The following AKNAD1 variants were observed in gnomAD, a reference collection of about 807,000 sequenced individuals.
The protein encoded by AKNAD1 is AKNA domain containing 1.
Under a neutral mutation model 90.8 loss-of-function variants are expected in AKNAD1, and 67 were observed. The ratio of observed to expected loss-of-function variants is 0.74; its 90% confidence interval spans 0.61 to 0.90. The LOEUF (loss-of-function observed/expected upper bound fraction) is 0.90, where lower values mean the gene tolerates loss of function less well. Ranked by LOEUF, AKNAD1 falls within the 40% of genes least tolerant of loss-of-function variation. The probability of loss-of-function intolerance (pLI) is 0.00; values close to 1 mark genes in which losing one functional copy is unlikely to be tolerated. For missense variants in AKNAD1, 957 were observed against 975.4 expected (o/e 0.98, Z 0.25); for synonymous variants, 327 against 341.4 (o/e 0.96, Z 0.46).
chr1:108,835,416 T>C (rs77258074), intron 7 of AKNAD1, among the ~76,000 whole-genome samples: 1,857 of 152,210 alleles, frequency 0.012, 32 homozygotes, highest in African/African-American at 0.042. Context: ...TTAAACATCA[T>C]AACAGCCCTG....
chr1:108,837,852 GT>G, intron 6 of AKNAD1, 146 bp from the exon 7 acceptor site: 2 of 881,466 alleles, frequency 2.3e-6, no homozygotes, highest in Non-Finnish European at 3.5e-6. Flanking sequence ...CCGCATGACT[GT>G]TCATAGTTTC....
intron 15 of AKNAD1, 39 bp from the exon 16 acceptor site, chr1:108,816,341 T>A (rs1371644653): frequency 5.1e-6 from 8 of 1,581,784 alleles, no homozygotes; most frequent in Non-Finnish European, 6.0e-6. Context: ...TTACATAAAC[T>A]AACTGCTGTT....
At chr1:108,840,021 G>A (rs1664496178) in intron 6 of AKNAD1, among the ~76,000 whole-genome samples, 7 of 145,704 alleles carry the variant, frequency 4.8e-5, no homozygotes, top group African/African-American at 7.6e-5. Flanking sequence ...GACTTTGTCT[G>A]AAAAAAAAAA....
intron 5 of AKNAD1, among the ~76,000 whole-genome samples, chr1:108,845,832 G>C (rs1197061634): frequency 6.6e-6 from 1 of 152,184 alleles, no homozygotes; most frequent in Non-Finnish European, 1.5e-5. Flanking sequence ...AACATTTGGA[G>C]CTATAGATGA....
At chr1:108,820,940 C>T (rs1356844984) in intron 13 of AKNAD1, among the ~76,000 whole-genome samples, 1 of 151,932 alleles carries the variant, frequency 6.6e-6, no homozygotes, top group Non-Finnish European at 1.5e-5. Context: ...GTTAACTTAG[C>T]TGGGCATGGT....
chr1:108,827,246 A>G lies in AKNAD1; in HGVS notation c.1895T>C (p.Ile632Thr). ...GTGTGGTGCCTTTTCATGAAGGACA[A>G]TTGAAAATCTTCCACAGTTGATCCT... ...HGRINCGRFS[I>T]VLHEKAPHSD... is the part of the protein sequence containing the mutation. Residue 632 changes from isoleucine (I) to threonine (T), a missense_variant, in exon 11 of 16, where the codon ATT (isoleucine) becomes ACT (threonine). Transcript: ENST00000370001. 2 of 1,611,832 alleles carry G rather than the reference A, an allele frequency of 1.2e-6. No individual in the cohort carries two copies. The highest frequency in any genetic ancestry group is 1.7e-6 in the Non-Finnish European group (2 of 1,179,490).
chr1:108,828,188 A>G (rs1664073346), intron 10 of AKNAD1, among the ~76,000 whole-genome samples: 1 of 151,770 alleles, frequency 6.6e-6, no homozygotes, highest in South Asian at 2.1e-4. Context: ...TCCTGGAAGT[A>G]CAAGCTGATT....
chr1:108,830,468 C>T, intron 10 of AKNAD1, 91 bp downstream of exon 10: 1 of 1,216,890 alleles, frequency 8.2e-7, no homozygotes, highest in South Asian at 1.3e-5. Flanking sequence ...CAGCCAGTGG[C>T]CTCAGTTAGT....
chr1:108,828,841 T>C (rs1375865881), intron 10 of AKNAD1, among the ~76,000 whole-genome samples: 1 of 151,866 alleles, frequency 6.6e-6, no homozygotes, highest in Non-Finnish European at 1.5e-5. Context: ...TTTCTGCTTT[T>C]AAACTCCTTT....
rs1663884526 is a variant in AKNAD1, at chr1:108,823,402, T to C, written c.2135A>G (p.His712Arg). 6.2e-7 allele frequency: 1 copy of C among 1,614,124 alleles called. No homozygotes were observed. Among genetic ancestry groups the C allele is most frequent in the East Asian group, 2.2e-5 (1 of 44,884 alleles). The change falls in exon 13 of 16, where the codon CAT (histidine) becomes CGT (arginine). Residue 712 changes from histidine to arginine, a missense_variant. Coordinates refer to ENST00000370001, the MANE Select transcript of AKNAD1 (RefSeq NM_152763.5). Reference sequence around the variant, plus strand: ...AGAGTTTTTACTTTCATCTAAAGAATGGGGCTGGACAAAGGCACCTCTTTT... The same window carrying C: ...AGAGTTTTTACTTTCATCTAAAGAACGGGGCTGGACAAAGGCACCTCTTTT... ...HSKRGAFVQP[H>R]SLDESKNSSP...
chr1:108,850,564 G>T (rs994928307), intron 2 of AKNAD1, among the ~76,000 whole-genome samples: 14 of 152,126 alleles, frequency 9.2e-5, no homozygotes, highest in Non-Finnish European at 2.1e-4. Context: ...GATGTAGGGG[G>T]TTCTGCTCAA....
intron 14 of AKNAD1, among the ~76,000 whole-genome samples, chr1:108,818,331 A>G (rs551544027): frequency 1.3e-5 from 2 of 152,246 alleles, no homozygotes; most frequent in African/African-American, 4.8e-5. Context: ...AGGAGCATCA[A>G]TTGGTTCTGC....
chr1:108,818,398 G>T (rs1557822714), intron 14 of AKNAD1, among the ~76,000 whole-genome samples: 1 of 152,048 alleles, frequency 6.6e-6, no homozygotes, highest in Non-Finnish European at 1.5e-5. Flanking sequence ...CAGCATCCGG[G>T]GCCCCTAACT....
chr1:108,834,621 C>G, intron 8 of AKNAD1, 93 bp from the exon 9 acceptor site: 1 of 1,306,754 alleles, frequency 7.7e-7, no homozygotes, highest in Non-Finnish European at 1.1e-6. Context: ...GGCATCACCC[C>G]TGGGATGGTG....
chr1:108,831,575 T>C (rs1446226151), intron 9 of AKNAD1, among the ~76,000 whole-genome samples: 3 of 152,176 alleles, frequency 2.0e-5, no homozygotes, highest in Admixed American at 2.0e-4. Flanking sequence ...TAATTTGCAT[T>C]TCCTCTGTGA....
rs1431694516 is a variant in AKNAD1, at chr1:108,823,721, A to G, written c.1937-33T>C. ...AGCCCAAGTTGCATGAATGAAGGGT[A>G]AGTGTCTTGATTATAGTCATAAAAT... On this transcript the variant is annotated intron_variant, in intron 11 of 15. Transcript: ENST00000370001. The G allele has an allele frequency of 2.5e-6, 4 of 1,613,780 alleles. No homozygotes were observed. The South Asian group carries it at 4.4e-5, about 18-fold the overall frequency.
intron 1 of AKNAD1, among the ~76,000 whole-genome samples, chr1:108,855,210 G>C (rs893511469): frequency 6.7e-6 from 1 of 150,006 alleles, no homozygotes; most frequent in Non-Finnish European, 1.5e-5. Flanking sequence ...TCAAGAGATG[G>C]AGGCCATCCT....
At chr1:108,832,382 C>A (rs1228790043) in intron 9 of AKNAD1, among the ~76,000 whole-genome samples, 1 of 152,052 alleles carries the variant, frequency 6.6e-6, no homozygotes, top group Non-Finnish European at 1.5e-5. Context: ...CACCACCCCA[C>A]CCAGCTAATT....
intron 10 of AKNAD1, among the ~76,000 whole-genome samples, chr1:108,828,414 A>G (rs1664080798): frequency 6.6e-6 from 1 of 151,772 alleles, no homozygotes. Flanking sequence ...ATTCGAATTA[A>G]TAACAGTTCT....
Sources: gnomAD v4.1 joint callset for allele counts (sites outside exome capture counted in the v4.1 genomes callset) on GRCh38, gnomAD v4.1.1 for gene constraint, MANE v1.5 for transcripts, NCBI Gene and HGNC (gene_info 2026-07-23, HGNC 2026-07-21) for gene names.